The following LIPJ variants were observed in gnomAD, a reference collection of about 807,000 sequenced individuals.
The protein encoded by LIPJ is lipase member J.
In LIPJ, 33 loss-of-function variants were observed where a neutral mutation model predicts 39.8. The ratio of observed to expected loss-of-function variants is 0.83; its 90% CI spans 0.63 to 1.11. The LOEUF is 1.11. LIPJ is among the 50% of genes least tolerant of loss of function. The pLI is 0.00. For synonymous variants in LIPJ, 128 were observed against 139.2 expected (o/e 0.92, Z 0.57); for missense variants, 422 against 427.9 (o/e 0.99, Z 0.12).
In LIPJ at chr10:88,605,708, C is replaced by T. The variant is rs1486438737; in HGVS notation, c.867+4C>T. 2 of 1,590,290 alleles carry T rather than the reference C, an allele frequency of 1.3e-6. No homozygotes were observed. The highest frequency in any genetic ancestry group is 1.7e-6 in the Non-Finnish European group (2 of 1,159,464). ...GAACTTGGTTCATTATAATCAGGTACATAATTCTCTATAAAAACTCTCTAC... is the reference window on the plus strand; with the variant it reads ...GAACTTGGTTCATTATAATCAGGTATATAATTCTCTATAAAAACTCTCTAC... On this transcript the variant is annotated splice_donor_region_variant and intron_variant, in intron 10 of 10. Transcript: ENST00000371939.
Position 88,602,567 on chromosome 10 carries a change from AC to A in LIPJ, c.724-5del, listed in dbSNP as rs770219419. On this transcript the variant is annotated splice_region_variant and splice_polypyrimidine_tract_variant and intron_variant, in intron 8 of 10. Coordinates refer to ENST00000371939, the Ensembl canonical transcript of LIPJ. ...TAAAAATGCTTTTTTTTTTTTTTTT[AC>A]CCCTCAGAGTCGTTTGGATGTGTAT... is the stretch of plus-strand genomic sequence containing the variant. The A allele has an allele frequency of 7.4e-7, 1 of 1,352,964 alleles. No individual in the cohort carries two copies. The highest frequency in any genetic ancestry group is 9.7e-7 in the Non-Finnish European group (1 of 1,029,126). The allele number at this position is 1,352,964 out of a possible 1,614,324, so 83.8% of individuals were successfully genotyped here.
At chr10:88,602,345 G>A (rs1851515483) in intron 8 of LIPJ, among the ~76,000 whole-genome samples, 2 of 152,102 alleles carry the variant, frequency 1.3e-5, no homozygotes, top group South Asian at 4.2e-4. Context: ...CCAGTAGAGT[G>A]AGTGGCAGAC....
At chr10:88,620,892 G>A in the LIPJ span, among the ~76,000 whole-genome samples, 8 of 152,086 alleles carry the variant, frequency 5.3e-5, no homozygotes, top group Non-Finnish European at 8.8e-5. Flanking sequence ...GCAGATCCAG[G>A]GTCTGGTGTG....
At chr10:88,587,183 T>C (rs1210882860) in intron 1 of LIPJ, 83 bp from the exon 2 acceptor site, 1 of 152,058 alleles carries the variant, frequency 6.6e-6, no homozygotes, top group Non-Finnish European at 1.5e-5. Flanking sequence ...GATTAACGTA[T>C]GGGAAAGGGG....
chr10:88,590,721 G>T, intron 3 of LIPJ, 25 bp downstream of exon 3: 2 of 1,571,254 alleles, frequency 1.3e-6, no homozygotes, highest in Non-Finnish European at 1.7e-6. Context: ...AATAAATCTG[G>T]ACTGCTGAAA....
the LIPJ span, among the ~76,000 whole-genome samples, chr10:88,615,480 G>A: frequency 6.6e-6 from 1 of 151,800 alleles, no homozygotes; most frequent in Non-Finnish European, 1.5e-5. Flanking sequence ...TTGAACCTGT[G>A]AGGTGGAGAT....
At chr10:88,599,553 T>G (rs527721883) in intron 8 of LIPJ, among the ~76,000 whole-genome samples, 1 of 152,098 alleles carries the variant, frequency 6.6e-6, no homozygotes, top group Admixed American at 6.6e-5. Context: ...TTGGCTTATT[T>G]AACTTACTAG....
the LIPJ span, among the ~76,000 whole-genome samples, chr10:88,619,231 T>G: frequency 6.7e-6 from 1 of 149,302 alleles, no homozygotes. Context: ...AAAAAAAAGC[T>G]GTAACCCACA....
chr10:88,594,612 T>C, intron 5 of LIPJ, 55 bp from the exon 6 acceptor site: 1 of 828,714 alleles, frequency 1.2e-6, no homozygotes, highest in South Asian at 2.4e-5. Flanking sequence ...TATTTTCAAA[T>C]ACTAACATAA....
chr10:88,603,826 A>G (rs1851574622), intron 9 of LIPJ, among the ~76,000 whole-genome samples: 1 of 152,210 alleles, frequency 6.6e-6, no homozygotes, highest in Non-Finnish European at 1.5e-5. Context: ...TTTGATATAA[A>G]TTATTGAAAA....
chr10:88,587,353 A>C (rs1850942358), exon 2 of LIPJ: 1 of 152,144 alleles, frequency 6.6e-6, no homozygotes, highest in Admixed American at 6.5e-5. Flanking sequence ...TACTTTGAAG[A>C]CACATATATT....
In LIPJ at chr10:88,598,976, TTAC is replaced by T. The variant is rs747287525; in HGVS notation, c.723+2041_723+2043del. ...TTTAATAATATAATATATTATATTA[TTAC>T]AATAATATAAAATATTATATTATAT... is the stretch of plus-strand genomic sequence containing the variant. On this transcript the variant is annotated intron_variant, in intron 8 of 10. Coordinates refer to ENST00000371939, the Ensembl canonical transcript of LIPJ. Among the ~76,000 whole-genome samples, 1,004 of 144,158 alleles carry T rather than the reference TTAC, an allele frequency of 7.0e-3. 28 individuals are homozygous for T. The South Asian group carries it at 0.083, about 12-fold the overall frequency. The allele number at this position is 144,158 out of a possible 152,430, so 94.6% of individuals were successfully genotyped here. A position where few individuals can be genotyped will look rare whatever the true frequency, so the allele number is the denominator to read the frequency against.
intron 3 of LIPJ, among the ~76,000 whole-genome samples, chr10:88,591,095 AAG>A (rs1275255784): frequency 2.0e-5 from 3 of 151,754 alleles, no homozygotes; most frequent in Non-Finnish European, 4.4e-5. Flanking sequence ...GTAGTTAAAA[AAG>A]AAAATATTCT....
chr10:88,594,450 T>C (rs1362795364), intron 5 of LIPJ: 1 of 468,556 alleles, frequency 2.1e-6, no homozygotes, highest in Non-Finnish European at 3.7e-6. Context: ...ATTTTTCATA[T>C]ACAAACACCC....
At chr10:88,615,416 G>T in the LIPJ span, among the ~76,000 whole-genome samples, 3 of 151,960 alleles carry the variant, frequency 2.0e-5, no homozygotes, top group Non-Finnish European at 4.4e-5. Context: ...AGCCAGACGT[G>T]GTGGCAGGCA....
In LIPJ at chr10:88,594,725, AC is replaced by A; in HGVS notation, c.390del (p.Arg131AspfsTer8). ...CTCTATTGATTTCACTGTGAAGCAA[AC>A]CAGACAAGAGGAAATATTTTATGTA... On this transcript the variant is annotated frameshift_variant, in exon 6 of 11. Coordinates refer to ENST00000371939, the Ensembl canonical transcript of LIPJ. LOFTEE classifies it high-confidence loss of function. 1 of 1,575,934 alleles carries A rather than the reference AC, an allele frequency of 6.3e-7. No homozygotes were observed. The highest frequency in any genetic ancestry group is 1.4e-5 in the African/African-American group (1 of 73,058).
downstream of LIPJ, among the ~76,000 whole-genome samples, chr10:88,611,152 C>A (rs1290863363): frequency 6.6e-6 from 1 of 152,152 alleles, no homozygotes; most frequent in Admixed American, 6.5e-5. Context: ...TGGCTAGACC[C>A]AGAAGAGCAA....
At chr10:88,617,556 A>G in the LIPJ span, among the ~76,000 whole-genome samples, 1 of 152,176 alleles carries the variant, frequency 6.6e-6, no homozygotes, top group Non-Finnish European at 1.5e-5. Context: ...GAAGGAAAAG[A>G]AGAGCTCATT....
chr10:88,598,970 ATAT>A lies in LIPJ; in HGVS notation c.723+2040_723+2042del, dbSNP rs543218588. On this transcript the variant is annotated intron_variant, in intron 8 of 10. Coordinates refer to ENST00000371939, the Ensembl canonical transcript of LIPJ. ...ATTGTATTTAATAATATAATATATT[ATAT>A]TATTACAATAATATAAAATATTATA... is the stretch of plus-strand genomic sequence containing the variant. Among the ~76,000 whole-genome samples, 11 of 145,874 alleles carry A rather than the reference ATAT, an allele frequency of 7.5e-5. No individual in the cohort carries two copies. In the South Asian group the frequency reaches 1.1e-3, roughly 14 times the overall value.
Sources: allele counts gnomAD v4.1 joint callset (sites outside exome capture counted in the v4.1 genomes callset), GRCh38; gene constraint gnomAD v4.1.1; transcripts MANE v1.5; gene names NCBI Gene and HGNC (gene_info 2026-07-23, HGNC 2026-07-21).